Variants in DOCK4 observed in about 807,000 individuals in gnomAD.
DOCK4 encodes dedicator of cytokinesis protein 4.
Under a neutral mutation model 268.1 loss-of-function variants are expected in DOCK4, and 97 were observed. The ratio of observed to expected loss-of-function variants is 0.36; its 90% CI spans 0.31 to 0.43. DOCK4 has a LOEUF of 0.43. Among genes scored for constraint, DOCK4 ranks in the 20% least tolerant of loss-of-function variants. The pLI, the probability that DOCK4 is intolerant of heterozygous loss-of-function variation, is 1.00. For missense variants in DOCK4, 2,145 were observed against 2,455.7 expected, an observed-to-expected ratio of 0.87 and a Z score of 2.67; for synonymous variants, 954 against 887.2, an observed-to-expected ratio of 1.08 and a Z score of -1.34.
At chr7:111,822,231 C>T in intron 27 of DOCK4, 131 bp downstream of exon 27, 2 of 672,726 alleles carry the variant, frequency 3.0e-6, no homozygotes, top group South Asian at 2.0e-5. Context: ...CAAGTGGTAA[C>T]ATTTTTTTAA....
At chr7:112,174,678 G>A (rs1047462739) in intron 1 of DOCK4, among the ~76,000 whole-genome samples, 3 of 151,928 alleles carry the variant, frequency 2.0e-5, no homozygotes, top group African/African-American at 7.3e-5. Flanking sequence ...CACCACCTTA[G>A]GATAATGCAA....
intron 3 of DOCK4, 84 bp downstream of exon 3, chr7:112,000,410 A>C (rs1800326850): frequency 1.1e-6 from 1 of 932,304 alleles, no homozygotes; most frequent in Admixed American, 2.6e-5. Flanking sequence ...TCCCAACTGT[A>C]ATTTCAATTG....
Position 111,728,732 on chromosome 7 carries a change from A to AGAAG in DOCK4, c.5482-16_5482-13dup. ...GACTGCACAGAGCCCTGCTCCGGGGAGAAGGAAACGAGAGGGAGACACAGC... is the reference window on the plus strand; with the variant it reads ...GACTGCACAGAGCCCTGCTCCGGGGAGAAGGAAGGAAACGAGAGGGAGACACAGC... On this transcript the variant is annotated splice_polypyrimidine_tract_variant and intron_variant, in intron 52 of 52. Transcript: ENST00000428084. The AGAAG allele has an allele frequency of 6.3e-7, 1 of 1,594,724 alleles. No homozygotes were observed. Among genetic ancestry groups the AGAAG allele is most frequent in the Non-Finnish European group, 8.6e-7 (1 of 1,169,562 alleles).
intron 15 of DOCK4, among the ~76,000 whole-genome samples, chr7:111,898,868 C>G (rs1790888840): frequency 6.6e-6 from 1 of 152,140 alleles, no homozygotes; most frequent in Admixed American, 6.6e-5. Context: ...TGAAAATAGC[C>G]TTTATTTTAC....
intron 23 of DOCK4, among the ~76,000 whole-genome samples, chr7:111,852,304 A>G (rs923419668): frequency 6.6e-6 from 1 of 152,166 alleles, no homozygotes; most frequent in African/African-American, 2.4e-5. Context: ...CTGGGTTACC[A>G]AAATAACCAG....
chr7:111,859,026 C>T (rs907564955), intron 23 of DOCK4, among the ~76,000 whole-genome samples: 4 of 152,026 alleles, frequency 2.6e-5, no homozygotes, highest in African/African-American at 9.7e-5. Flanking sequence ...TCTTTGCTCC[C>T]CCCTTTTTTT....
intron 12 of DOCK4, among the ~76,000 whole-genome samples, chr7:111,934,523 GTTTTTTTTTTTT>G (rs1183672033): frequency 0.013 from 1,051 of 83,862 alleles, 16 homozygotes; most frequent in African/African-American, 0.04. Flanking sequence ...TTTTGTTTTT[GTTTTTTTTTTTT>G]TTTTTTTTTT....
intron 49 of DOCK4, among the ~76,000 whole-genome samples, chr7:111,737,280 A>T (rs189507495): frequency 2.0e-4 from 31 of 152,178 alleles, no homozygotes; most frequent in Admixed American, 5.2e-4. Context: ...CAGTTGTGCT[A>T]TGAAGTTCTT....
chr7:111,907,705 T>G (rs1041289337), intron 13 of DOCK4, among the ~76,000 whole-genome samples: 1 of 152,068 alleles, frequency 6.6e-6, no homozygotes, highest in Admixed American at 6.6e-5. Context: ...TTTGGTTAGG[T>G]TTAGGATATA....
intron 26 of DOCK4, among the ~76,000 whole-genome samples, chr7:111,831,837 G>A (rs953611080): frequency 2.0e-5 from 3 of 152,084 alleles, no homozygotes; most frequent in Admixed American, 6.5e-5. Flanking sequence ...TCCCTCAAAT[G>A]AGATCTTATC....
At chr7:111,982,741 A>G (rs1798702975) in intron 7 of DOCK4, among the ~76,000 whole-genome samples, 1 of 152,250 alleles carries the variant, frequency 6.6e-6, no homozygotes, top group Non-Finnish European at 1.5e-5. Context: ...TACTAAGTGC[A>G]AAAGCACTGT....
Position 111,808,748 on chromosome 7 carries a change from T to C in DOCK4, c.3166+73A>G, listed in dbSNP as rs1800856234. On this transcript the variant is annotated intron_variant, in intron 30 of 52. Transcript: ENST00000428084. ...CACATGGTGTCACTGGTAAATTGCC[T>C]TTCTTCATTTGTACACTTCAAGGTA... The C allele has an allele frequency of 2.7e-6, 4 of 1,505,226 alleles. No individual in the cohort carries two copies. In the South Asian group the frequency reaches 4.8e-5, roughly 18 times the overall value. The allele number at this position is 1,505,226 out of a possible 1,614,324, so 93.2% of individuals were successfully genotyped here.
chr7:111,875,229 T>C (rs981602650), intron 17 of DOCK4, among the ~76,000 whole-genome samples: 1 of 152,238 alleles, frequency 6.6e-6, no homozygotes, highest in Non-Finnish European at 1.5e-5. Flanking sequence ...ACTTTCCACA[T>C]AGTGAGATGT....
intron 51 of DOCK4, chr7:111,732,552 A>T: frequency 2.0e-6 from 1 of 494,424 alleles, no homozygotes; most frequent in South Asian, 2.4e-5. Context: ...AGGTTCCCAA[A>T]CTGATCCAAT....
chr7:112,103,484 T>C (rs1810866465), intron 1 of DOCK4, among the ~76,000 whole-genome samples: 2 of 152,184 alleles, frequency 1.3e-5, no homozygotes, highest in African/African-American at 4.8e-5. Flanking sequence ...TTTATTTACT[T>C]AGGCAAATTA....
intron 39 of DOCK4, among the ~76,000 whole-genome samples, chr7:111,764,329 A>G (rs1797640167): frequency 1.3e-5 from 2 of 152,204 alleles, no homozygotes; most frequent in Admixed American, 6.5e-5. Flanking sequence ...ATATGTGCTG[A>G]CAGGCAAGAT....
chr7:112,030,580 C>T (rs1009646437), intron 1 of DOCK4, among the ~76,000 whole-genome samples: 8 of 152,130 alleles, frequency 5.3e-5, no homozygotes, highest in Non-Finnish European at 1.2e-4. Flanking sequence ...TCTACACCCT[C>T]TCATTTGGGC....
In DOCK4 at chr7:111,788,646, T is replaced by A. The variant is rs746149431; in HGVS notation, c.3401+16A>T. On this transcript the variant is annotated intron_variant, in intron 32 of 52. Coordinates refer to ENST00000428084, the MANE Select transcript of DOCK4 (RefSeq NM_001363540.2). ...CCCCCAGAATGGAATCAACTTGAGA[T>A]AAACATATTACTCACATACTGTTGA... is the stretch of plus-strand genomic sequence containing the variant. 1 of 1,564,582 alleles carries A rather than the reference T, an allele frequency of 6.4e-7. No individual in the cohort carries two copies. Among genetic ancestry groups the A allele is most frequent in the East Asian group, 2.3e-5 (1 of 42,932 alleles).
At chr7:111,944,950 AAAG>A (rs1398214264) in intron 9 of DOCK4, 79 bp from the exon 10 acceptor site, 6 of 1,128,362 alleles carry the variant, frequency 5.3e-6, no homozygotes, top group Non-Finnish European at 4.0e-6. Flanking sequence ...TTCACAAATA[AAAG>A]AAGAAAGAGA....
Sources: gnomAD v4.1 joint callset for allele counts (sites outside exome capture counted in the v4.1 genomes callset) on GRCh38, gnomAD v4.1.1 for gene constraint, MANE v1.5 for transcripts, NCBI Gene and HGNC (gene_info 2026-07-23, HGNC 2026-07-21) for gene names.